Variants in PRKCB observed in about 807,000 individuals in gnomAD.
PRKCB encodes protein kinase C beta, also known as protein kinase C beta type.
PRKCB carries 13 observed loss-of-function variants against 81.5 expected under a neutral mutation model. The observed-to-expected ratio is 0.16, with a 90% CI of 0.10 to 0.25. The LOEUF is 0.25. Among genes scored for constraint, PRKCB ranks in the 10% least tolerant of loss-of-function variants. The probability of loss-of-function intolerance (pLI) is 1.00; values close to 1 mark genes in which losing one functional copy is unlikely to be tolerated. For missense variants in PRKCB, 509 were observed against 875.7 expected, an observed-to-expected ratio of 0.58 and a Z score of 5.29; for synonymous variants, 335 against 321.4, an observed-to-expected ratio of 1.04 and a Z score of -0.45.
chr16:23,842,303 T>C (rs73537015), intron 2 of PRKCB, among the ~76,000 whole-genome samples: 12,233 of 152,154 alleles, frequency 0.08, 1,634 homozygotes, highest in African/African-American at 0.28. Context: ...CATAGGGTTA[T>C]GGTGAAGAAT....
chr16:24,074,648 T>A (rs1300821491), intron 5 of PRKCB, among the ~76,000 whole-genome samples: 1 of 152,138 alleles, frequency 6.6e-6, no homozygotes, highest in East Asian at 1.9e-4. Flanking sequence ...TCAGTGAGGA[T>A]GTTCTGAGAG....
At chr16:24,020,981 T>TTTCTTTCTTTCTTTCC (rs1567346587) in intron 3 of PRKCB, among the ~76,000 whole-genome samples, 2 of 94,826 alleles carry the variant, frequency 2.1e-5, no homozygotes, top group East Asian at 6.9e-4. Flanking sequence ...TTTCTTTTTC[T>TTTCTTTCTTTCTTTCC]TTCTTTCTTT....
intron 16 of PRKCB, among the ~76,000 whole-genome samples, chr16:24,211,800 T>C (rs1968142412): frequency 6.6e-6 from 1 of 152,196 alleles, no homozygotes; most frequent in East Asian, 1.9e-4. Flanking sequence ...TCTCAGGTGA[T>C]CCACCCGCCT....
chr16:23,903,718 G>T (rs922794868), intron 2 of PRKCB, among the ~76,000 whole-genome samples: 1 of 152,282 alleles, frequency 6.6e-6, no homozygotes, highest in East Asian at 1.9e-4. Context: ...TGCAGAAAGT[G>T]GTTCCCACTG....
intron 9 of PRKCB, among the ~76,000 whole-genome samples, chr16:24,143,057 C>T (rs1483497339): frequency 6.6e-6 from 1 of 152,026 alleles, no homozygotes; most frequent in Non-Finnish European, 1.5e-5. Context: ...TACTGATGCT[C>T]TTCTGCCAAT....
chr16:24,137,833 T>C (rs1966870171), intron 9 of PRKCB, among the ~76,000 whole-genome samples: 1 of 152,228 alleles, frequency 6.6e-6, no homozygotes, highest in South Asian at 2.1e-4. Context: ...ATATTTTGGA[T>C]GTACAAATGT....
intron 2 of PRKCB, among the ~76,000 whole-genome samples, chr16:23,915,725 A>G (rs889084081): frequency 6.9e-6 from 1 of 145,640 alleles, no homozygotes; most frequent in Non-Finnish European, 1.5e-5. Context: ...AGAAAGATGG[A>G]TTCTTTATTT....
intron 2 of PRKCB, among the ~76,000 whole-genome samples, chr16:23,864,779 G>T (rs79123984): frequency 0.012 from 1,784 of 151,950 alleles, 12 homozygotes; most frequent in Non-Finnish European, 0.015. Context: ...GTGCAGTTTC[G>T]TTACGTGGTT....
intron 16 of PRKCB, among the ~76,000 whole-genome samples, chr16:24,202,223 A>G (rs1442405444): frequency 6.6e-6 from 1 of 152,074 alleles, no homozygotes; most frequent in Admixed American, 6.5e-5. Context: ...AATCCTCCTT[A>G]CTACTACTCT....
chr16:23,894,671 T>C (rs1567305298), intron 2 of PRKCB, among the ~76,000 whole-genome samples: 1 of 152,156 alleles, frequency 6.6e-6, no homozygotes. Flanking sequence ...CAGAGAATTG[T>C]GAGGGAAAAG....
intron 5 of PRKCB, among the ~76,000 whole-genome samples, chr16:24,075,216 A>T (rs954987066): frequency 3.3e-5 from 5 of 152,216 alleles, no homozygotes; most frequent in Non-Finnish European, 7.3e-5. Context: ...CAGTGGCCTC[A>T]TGTGGCTAGT....
At chr16:23,891,835 G>T (rs3785396) in intron 2 of PRKCB, among the ~76,000 whole-genome samples, 44,935 of 152,076 alleles carry the variant, frequency 0.3, 7,068 homozygotes, top group South Asian at 0.43. Context: ...CATTGACGCA[G>T]GAAAGGAGCT....
chr16:24,030,716 CAAAAAAA>C (rs59739745), intron 3 of PRKCB, among the ~76,000 whole-genome samples: 1 of 131,388 alleles, frequency 7.6e-6, no homozygotes, highest in African/African-American at 2.9e-5. Flanking sequence ...CCCCTCTCTA[CAAAAAAA>C]AAAAAAAAAT....
intron 2 of PRKCB, among the ~76,000 whole-genome samples, chr16:23,890,397 C>T (rs976045097): frequency 6.6e-6 from 1 of 152,196 alleles, no homozygotes; most frequent in African/African-American, 2.4e-5. Context: ...CTTTCTGTAA[C>T]TGTGATTCCC....
intron 2 of PRKCB, among the ~76,000 whole-genome samples, chr16:23,862,749 G>A (rs1962694213): frequency 6.6e-6 from 1 of 152,094 alleles, no homozygotes; most frequent in South Asian, 2.1e-4. Flanking sequence ...CCAATTGTCA[G>A]AGGCACTTGA....
At chr16:24,119,194 A>G (rs1966769260) in intron 8 of PRKCB, among the ~76,000 whole-genome samples, 1 of 151,554 alleles carries the variant, frequency 6.6e-6, no homozygotes, top group African/African-American at 2.4e-5. Flanking sequence ...TAACATGCCC[A>G]TGAGAAAAGT....
At chr16:23,854,934 C>T (rs1962538355) in intron 2 of PRKCB, among the ~76,000 whole-genome samples, 1 of 152,148 alleles carries the variant, frequency 6.6e-6, no homozygotes. Context: ...CTACCTACCT[C>T]CTAGGGAAAT....
At chr16:24,066,699 G>A (rs13338406) in intron 5 of PRKCB, among the ~76,000 whole-genome samples, 2,488 of 151,622 alleles carry the variant, frequency 0.016, 69 homozygotes, top group African/African-American at 0.056. Flanking sequence ...AAGTTGTCAT[G>A]TTTCCTAAGT....
chr16:24,002,337 G>A (rs1056336789), intron 3 of PRKCB, among the ~76,000 whole-genome samples: 3 of 151,792 alleles, frequency 2.0e-5, no homozygotes, highest in Non-Finnish European at 4.4e-5. Flanking sequence ...GCGTGTGTGT[G>A]TGTGCGTGCG....
Sources: gnomAD v4.1 joint callset for allele counts (sites outside exome capture counted in the v4.1 genomes callset) on GRCh38, gnomAD v4.1.1 for gene constraint, MANE v1.5 for transcripts, NCBI Gene and HGNC (gene_info 2026-07-23, HGNC 2026-07-21) for gene names.